Variants in THEM4 observed in about 807,000 individuals in gnomAD.
THEM4 encodes the protein acyl-coenzyme A thioesterase THEM4.
THEM4 carries 22 observed loss-of-function variants against 25.0 expected under a neutral mutation model. That is an observed-to-expected ratio of 0.88 (90% CI 0.63 to 1.26). The LOEUF is 1.26. Among genes scored for constraint, THEM4 ranks in the 50% most tolerant of loss-of-function variants. The probability of loss-of-function intolerance (pLI) is 0.00; values close to 1 mark genes in which losing one functional copy is unlikely to be tolerated. For missense variants in THEM4, 286 were observed against 300.3 expected, an observed-to-expected ratio of 0.95 and a Z score of 0.35; for synonymous variants, 113 against 105.6, an observed-to-expected ratio of 1.07 and a Z score of -0.43.
chr1:151,908,768 A>G (rs1177451597), intron 1 of THEM4, among the ~76,000 whole-genome samples: 1 of 152,184 alleles, frequency 6.6e-6, no homozygotes, highest in East Asian at 1.9e-4. Flanking sequence ...TAATGCCTGC[A>G]TAAGAGGGGC....
At chr1:151,875,562 G>A (rs1315522874) in intron 5 of THEM4, among the ~76,000 whole-genome samples, 1 of 151,928 alleles carries the variant, frequency 6.6e-6, no homozygotes, top group Non-Finnish European at 1.5e-5. Flanking sequence ...AATATATAAA[G>A]AACATCTATA....
In THEM4 at chr1:151,909,343, A is replaced by G; in HGVS notation, c.99+17T>C. The G allele has an allele frequency of 6.6e-7, 1 of 1,513,420 alleles. No homozygotes were observed. The highest frequency in any genetic ancestry group is 8.8e-7 in the Non-Finnish European group (1 of 1,135,938). 93.7% of individuals were successfully genotyped at this position (1,513,420 alleles called of 1,614,324 possible). ...GAGTCCTGCTCCCGCCCCATGCCCG[A>G]GGGTGCCCAGACTCACCAGCTCGGG... On this transcript the variant is annotated intron_variant, in intron 1 of 5. Coordinates refer to ENST00000368814, the MANE Select transcript of THEM4 (RefSeq NM_053055.5).
At chr1:151,894,831 TTA>T in intron 2 of THEM4, 175 bp downstream of exon 2, 1 of 697,434 alleles carries the variant, frequency 1.4e-6, no homozygotes, top group Non-Finnish European at 2.4e-6. Context: ...ACAATAGGCT[TTA>T]TGCTCTCCAA....
intron 4 of THEM4, among the ~76,000 whole-genome samples, chr1:151,880,771 AAT>A (rs1270465045): frequency 6.6e-6 from 1 of 152,144 alleles, no homozygotes; most frequent in Non-Finnish European, 1.5e-5. Context: ...TCATTTCAAA[AAT>A]ATGTCTCATA....
chr1:151,893,038 G>A (rs1654127584), intron 2 of THEM4, among the ~76,000 whole-genome samples: 2 of 152,148 alleles, frequency 1.3e-5, no homozygotes, highest in Non-Finnish European at 2.9e-5. Context: ...GCAACATGAA[G>A]GTCACTGGTA....
intron 4 of THEM4, among the ~76,000 whole-genome samples, chr1:151,879,008 A>G (rs1380232370): frequency 2.6e-5 from 4 of 152,108 alleles, no homozygotes; most frequent in African/African-American, 9.7e-5. Context: ...AGACAATGAG[A>G]GAGAGCATAC....
intron 1 of THEM4, among the ~76,000 whole-genome samples, chr1:151,901,107 C>T (rs185199927): frequency 6.6e-6 from 1 of 152,342 alleles, no homozygotes; most frequent in East Asian, 1.9e-4. Context: ...TTATCACTGG[C>T]TTGCTGTCAA....
At position 151,871,496 on chromosome 1, in the gene THEM4, A is replaced by C. The variant is rs1221440060; in HGVS notation, c.*3392T>G. ...GTTCTGCCACCTTTTGTTATCTTAC[A>C]TACTTGTCAAAATACAACCTGAGGA... On this transcript the variant is annotated 3_prime_UTR_variant, in exon 6 of 6. Transcript: ENST00000368814. Among the ~76,000 whole-genome samples, 3 of 152,182 alleles carry C rather than the reference A, an allele frequency of 2.0e-5. No individual in the cohort carries two copies. Among genetic ancestry groups the C allele is most frequent in the Non-Finnish European group, 4.4e-5 (3 of 68,024 alleles).
intron 4 of THEM4, among the ~76,000 whole-genome samples, chr1:151,877,979 GTGA>G (rs1653726600): frequency 6.6e-6 from 1 of 152,158 alleles, no homozygotes. Context: ...AGTTATCACT[GTGA>G]TGATCTCTCT....
At chr1:151,899,202 T>C (rs748328273) in intron 1 of THEM4, among the ~76,000 whole-genome samples, 10 of 151,454 alleles carry the variant, frequency 6.6e-5, no homozygotes, top group Non-Finnish European at 1.5e-4. Context: ...ATACAAGAAG[T>C]GAAGGGAGGG....
intron 4 of THEM4, among the ~76,000 whole-genome samples, chr1:151,886,329 T>C (rs1653970383): frequency 6.6e-6 from 1 of 152,208 alleles, no homozygotes; most frequent in Non-Finnish European, 1.5e-5. Flanking sequence ...CTGTTTCCCA[T>C]TTTGCATTTG....
rs779336696 is a variant in THEM4, at chr1:151,872,302, TG to T, written c.*2585del. ...GATCTTTTGGCTGTGGAAGGATGAC[TG>T]GGTAGGGTACCACAAGGCTGTCCCT... On this transcript the variant is annotated 3_prime_UTR_variant, in exon 6 of 6. Coordinates refer to ENST00000368814, the MANE Select transcript of THEM4 (RefSeq NM_053055.5). 6.6e-6 allele frequency among the ~76,000 whole-genome samples: 1 copy of T among 152,206 alleles called. No homozygotes were observed. Among genetic ancestry groups the T allele is most frequent in the Non-Finnish European group, 1.5e-5 (1 of 68,032 alleles).
intron 4 of THEM4, among the ~76,000 whole-genome samples, chr1:151,880,596 T>G (rs932819854): frequency 6.6e-6 from 1 of 152,210 alleles, no homozygotes; most frequent in Non-Finnish European, 1.5e-5. Flanking sequence ...GCATATTGAT[T>G]TAGTTATTAT....
intron 2 of THEM4, among the ~76,000 whole-genome samples, chr1:151,893,264 TGA>T (rs1199056044): frequency 6.6e-5 from 10 of 151,298 alleles, no homozygotes; most frequent in Admixed American, 6.6e-4. Flanking sequence ...CCCAGCTACT[TGA>T]GAGGTTGAGG....
chr1:151,877,001 T>C lies in THEM4; in HGVS notation c.682A>G (p.Ser228Gly), dbSNP rs1653697036. 1.2e-6 allele frequency: 2 copies of C among 1,604,932 alleles called. No individual in the cohort carries two copies. The highest frequency in any genetic ancestry group is 1.7e-6 in the Non-Finnish European group (2 of 1,177,284). ...GAAAGAGATAAGACCAGCTTCTTAC[T>C]TGTCGCCTCTGAGTATAGGGTCTTC... ...DEKTLYSEAT[S>G]LFIKLNPAKS... Residue 228 changes from serine to glycine, a missense_variant and splice_region_variant, in exon 5 of 6, where the codon AGC becomes GGC. Transcript: ENST00000368814.
chr1:151,909,384 C>A lies in THEM4; in HGVS notation c.75G>T (p.Pro25=), dbSNP rs745409931. 1.3e-6 allele frequency: 2 copies of A among 1,506,032 alleles called. No individual in the cohort carries two copies. The highest frequency in any genetic ancestry group is 2.4e-5 in the South Asian group (2 of 81,686). The allele number at this position is 1,506,032 out of a possible 1,614,324, so 93.3% of individuals were successfully genotyped here. The change falls in exon 1 of 6, where the codon CCG becomes CCT. Residue 25 remains proline, a synonymous_variant. Coordinates refer to ENST00000368814, the MANE Select transcript of THEM4 (RefSeq NM_053055.5). The part of the protein sequence containing the change: ...LCLPPVGRRL[P]GSEPRPELRS... ...CCAGCTCGGGTCGCGGCTCGCTTCC[C>A]GGCAGGCGCCGGCCTACTGGCGGCA...
Position 151,895,067 on chromosome 1 carries a change from A to C in THEM4, c.227T>G (p.Leu76Trp). The C allele has an allele frequency of 6.2e-7, 1 of 1,614,166 alleles. No individual in the cohort carries two copies. The highest frequency in any genetic ancestry group is 1.3e-5 in the African/African-American group (1 of 75,046). ...AGTAGGTGTACGTTTATATGAAGGC[A>C]AACGTTTCCAGGAGCCGTCTTCACA... Reference protein sequence around the residue: ...KKCEDGSWKRLPSYKRTPTEW... With the variant: ...KKCEDGSWKRWPSYKRTPTEW... The change falls in exon 2 of 6, where the codon TTG becomes TGG. Residue 76 changes from leucine (L) to tryptophan (W), a missense_variant. Transcript: ENST00000368814.
chr1:151,882,099 C>T (rs552963267), intron 4 of THEM4, among the ~76,000 whole-genome samples: 1 of 151,870 alleles, frequency 6.6e-6, no homozygotes. Flanking sequence ...TCATTTAGGC[C>T]GGGCATGGTG....
At chr1:151,879,395 G>T (rs1037793218) in intron 4 of THEM4, among the ~76,000 whole-genome samples, 2 of 151,432 alleles carry the variant, frequency 1.3e-5, no homozygotes, top group Non-Finnish European at 2.9e-5. Context: ...ATTTACTATA[G>T]ATTTTTTTTA....
Sources: gnomAD v4.1 joint callset for allele counts (sites outside exome capture counted in the v4.1 genomes callset) on GRCh38, gnomAD v4.1.1 for gene constraint, MANE v1.5 for transcripts, NCBI Gene and HGNC (gene_info 2026-07-23, HGNC 2026-07-21) for gene names.